The following JDP2 variants were observed in gnomAD, a reference collection of about 807,000 sequenced individuals.
The protein encoded by JDP2 is Jun dimerization protein 2.
Under a neutral mutation model 17.1 loss-of-function variants are expected in JDP2, and 9 were observed. The ratio of observed to expected loss-of-function variants is 0.53; its 90% confidence interval spans 0.32 to 0.92. The LOEUF is 0.92. Among genes scored for constraint, JDP2 ranks in the 40% least tolerant of loss-of-function variants. JDP2 has a pLI of 0.04. For synonymous variants in JDP2, 107 were observed against 95.6 expected (o/e 1.12, Z -0.69); for missense variants, 179 against 220.0 (o/e 0.81, Z 1.18).
At position 75,471,778 on chromosome 14, in the gene JDP2, C is replaced by A; in HGVS notation, c.*2303C>A. On this transcript the variant is annotated 3_prime_UTR_variant, in exon 4 of 4. Transcript: ENST00000651602. ...GCGGGTTGCCTTCTGTCTCGGGGGT[C>A]TTGAGGCTGTCGGTCCGGACGATGC... The A allele has an allele frequency of 6.3e-6, 1 of 157,612 alleles. No individual in the cohort carries two copies. The highest frequency in any genetic ancestry group is 1.7e-4 in the South Asian group (1 of 5,738). 9.8% of individuals were successfully genotyped at this position (157,612 alleles called of 1,614,324 possible).
At chr14:75,459,276 G>A (rs1209296647) in intron 2 of JDP2, among the ~76,000 whole-genome samples, 1 of 152,218 alleles carries the variant, frequency 6.6e-6, no homozygotes, top group Admixed American at 6.5e-5. Context: ...TTGGGGGTGA[G>A]GTTAAGGTTG....
At chr14:75,460,637 C>T (rs537825885) in intron 2 of JDP2, among the ~76,000 whole-genome samples, 7 of 152,334 alleles carry the variant, frequency 4.6e-5, no homozygotes, top group Non-Finnish European at 1.0e-4. Flanking sequence ...TTGGGTGCCA[C>T]CTCTGTGTGA....
At chr14:75,456,767 C>T (rs1283913866) in intron 2 of JDP2, among the ~76,000 whole-genome samples, 2 of 152,200 alleles carry the variant, frequency 1.3e-5, no homozygotes, top group African/African-American at 2.4e-5. Flanking sequence ...CAGGATCTCC[C>T]TGTCCAATTT....
chr14:75,452,884 A>G (rs1343367039), intron 2 of JDP2, among the ~76,000 whole-genome samples: 1 of 152,200 alleles, frequency 6.6e-6, no homozygotes, highest in Non-Finnish European at 1.5e-5. Flanking sequence ...TCACTGAAAC[A>G]GCTCAATATT....
chr14:75,452,110 G>A (rs931424789), intron 2 of JDP2, among the ~76,000 whole-genome samples: 14 of 152,156 alleles, frequency 9.2e-5, no homozygotes, highest in African/African-American at 3.4e-4. Flanking sequence ...GAAATTAGGG[G>A]GCACCCTTCC....
Position 75,430,029 on chromosome 14 carries a change from C to A in JDP2, c.-24+1777C>A, listed in dbSNP as rs1313594480. On this transcript the variant is annotated intron_variant, in intron 1 of 3. Coordinates refer to ENST00000651602, the MANE Select transcript of JDP2 (RefSeq NM_001135048.2). This position sits in a 1 kb window ranked among gnomAD's most constrained non-coding sequence, Gnocchi z 4.5. ...TGTTGCAAAGTGGTGACAATGCCCC[C>A]TAGGAAGGGTTTGGATAAGGGTCTC... Among the ~76,000 whole-genome samples, 2 of 152,072 alleles carry A rather than the reference C, an allele frequency of 1.3e-5. No homozygotes were observed. The highest frequency in any genetic ancestry group is 6.5e-5 in the Admixed American group (1 of 15,286).
rs953163518 is a variant in JDP2 at position 75,470,302 on chromosome 14, A to G, written c.*827A>G. On this transcript the variant is annotated 3_prime_UTR_variant, in exon 4 of 4. Transcript: ENST00000651602. The stretch of plus-strand genomic sequence containing the variant: ...TATGGTTTGTTTGTTATGAACAGAT[A>G]GCCACCAGTTACGGCCGTTGTGTGT... The G allele has an allele frequency of 6.6e-6, 1 of 151,024 alleles. No individual in the cohort carries two copies. Among genetic ancestry groups the G allele is most frequent in the African/African-American group, 2.5e-5 (1 of 40,708 alleles). 9.4% of individuals were successfully genotyped at this position (151,024 alleles called of 1,614,324 possible).
At chr14:75,438,706 T>G (rs926746434) in intron 2 of JDP2, among the ~76,000 whole-genome samples, 1 of 152,180 alleles carries the variant, frequency 6.6e-6, no homozygotes, top group Non-Finnish European at 1.5e-5. Context: ...TAGATGGCGT[T>G]TGCCCGGGAC....
rs566188842 is a variant in JDP2, at chr14:75,432,500, G to A, written c.-24+4248G>A. Among the ~76,000 whole-genome samples, 25 of 152,204 alleles carry A rather than the reference G, an allele frequency of 1.6e-4. No homozygotes were observed. The East Asian group carries it at 4.5e-3, about 27-fold the overall frequency. Reference sequence around the variant, plus strand: ...TCGCCATTGCCCATGCCCTGCCGTCGACTTCCAACCCCTTATTTCTCATGG... The same window carrying A: ...TCGCCATTGCCCATGCCCTGCCGTCAACTTCCAACCCCTTATTTCTCATGG... On this transcript the variant is annotated intron_variant, in intron 1 of 3. Transcript: ENST00000651602.
intron 3 of JDP2, among the ~76,000 whole-genome samples, chr14:75,467,138 C>T (rs1203468107): frequency 6.6e-6 from 1 of 152,170 alleles, no homozygotes; most frequent in East Asian, 1.9e-4. Context: ...CTCAACCCAC[C>T]TTCTCACTTT....
Position 75,430,119 on chromosome 14 carries a change from G to A in JDP2, c.-24+1867G>A, listed in dbSNP as rs1269939545. Among the ~76,000 whole-genome samples the A allele has an allele frequency of 4.6e-5, 7 of 152,210 alleles. No individual in the cohort carries two copies. On this transcript the variant is annotated intron_variant, in intron 1 of 3. Transcript: ENST00000651602. The surrounding 1 kb of genome is among the most constrained non-coding windows in gnomAD (Gnocchi z 4.5). ...ATGCTCCTCCTGACTCCCTGGGTTTGTTGTCATCTCCCTACCTGTTTGTAG... is the reference window on the plus strand; with the variant it reads ...ATGCTCCTCCTGACTCCCTGGGTTTATTGTCATCTCCCTACCTGTTTGTAG...
chr14:75,443,566 A>T (rs956977849), intron 2 of JDP2, among the ~76,000 whole-genome samples: 2 of 146,966 alleles, frequency 1.4e-5, no homozygotes, highest in East Asian at 1.9e-4. Context: ...CTGTTAGCTT[A>T]AAAAAAAAAA....
chr14:75,467,176 A>G (rs1022535967), intron 3 of JDP2, among the ~76,000 whole-genome samples: 5 of 152,160 alleles, frequency 3.3e-5, no homozygotes, highest in East Asian at 1.9e-4. Flanking sequence ...AAAGCGAGCT[A>G]TGATCACAGT....
chr14:75,468,879 C>T (rs1259616662), intron 3 of JDP2, among the ~76,000 whole-genome samples: 2 of 152,180 alleles, frequency 1.3e-5, no homozygotes, highest in East Asian at 1.9e-4. Context: ...CCCTCTTGGG[C>T]CCCCCCATGC....
Position 75,428,273 on chromosome 14 carries a change from T to G in JDP2, c.-24+21T>G. 2.1e-5 allele frequency: 3 copies of G among 141,818 alleles called. No individual in the cohort carries two copies. The highest frequency in any genetic ancestry group is 1.6e-5 in the Non-Finnish European group (1 of 64,396). The allele number at this position is 141,818 out of a possible 1,614,324, so 8.8% of individuals were successfully genotyped here. On this transcript the variant is annotated intron_variant, in intron 1 of 3. Transcript: ENST00000651602. This position sits in a 1 kb window ranked among gnomAD's most constrained non-coding sequence, Gnocchi z 5.6. ...GCACGGTGGGTGCGAGGGCGCGCGCTGGGGGCGCCGGGACGGGCGGGGCGG... is the reference window on the plus strand; with the variant it reads ...GCACGGTGGGTGCGAGGGCGCGCGCGGGGGGCGCCGGGACGGGCGGGGCGG...
intron 3 of JDP2, among the ~76,000 whole-genome samples, chr14:75,468,893 C>T (rs1264416676): frequency 6.6e-6 from 1 of 152,258 alleles, no homozygotes. Flanking sequence ...CCCATGCTTG[C>T]TCCGTAGACC....
At chr14:75,433,224 A>AAAAAAT (rs1566733607) in intron 1 of JDP2, among the ~76,000 whole-genome samples, 1 of 124,644 alleles carries the variant, frequency 8.0e-6, no homozygotes, top group Non-Finnish European at 1.6e-5. Flanking sequence ...AAAAAAAAAA[A>AAAAAAT]TGTAAGGGGT....
intron 2 of JDP2, among the ~76,000 whole-genome samples, chr14:75,456,986 A>T (rs1306734189): frequency 6.6e-6 from 1 of 152,212 alleles, no homozygotes; most frequent in Non-Finnish European, 1.5e-5. Context: ...CAGGACCCGG[A>T]TGGCCTTGCC....
chr14:75,435,045 G>T (rs575279099), intron 1 of JDP2, among the ~76,000 whole-genome samples: 3 of 152,242 alleles, frequency 2.0e-5, no homozygotes, highest in African/African-American at 7.2e-5. Flanking sequence ...GAATCACAGC[G>T]CTGCTGGCCG....
Sources: allele counts gnomAD v4.1 joint callset (sites outside exome capture counted in the v4.1 genomes callset), GRCh38; gene constraint gnomAD v4.1.1; non-coding constraint Gnocchi (gnomAD v3.1); transcripts MANE v1.5; gene names NCBI Gene and HGNC (gene_info 2026-07-23, HGNC 2026-07-21).